GLYCTK: variants seen among roughly 807,000 people sequenced by gnomAD.
GLYCTK encodes the protein glycerate kinase, also known as HBeAg binding protein 4.
In GLYCTK, 22 loss-of-function variants were observed where a neutral mutation model predicts 24.8. The ratio of observed to expected loss-of-function variants is 0.89; its 90% CI spans 0.63 to 1.27. The LOEUF is 1.27. Among genes scored for constraint, GLYCTK ranks in the 50% most tolerant of loss-of-function variants. GLYCTK has a pLI of 0.00. For missense variants in GLYCTK, 684 were observed against 686.7 expected, an observed-to-expected ratio of 1.00 and a Z score of 0.04; for synonymous variants, 320 against 297.2, an observed-to-expected ratio of 1.08 and a Z score of -0.79.
Position 52,291,890 on chromosome 3 carries a change from G to T in GLYCTK, c.673G>T (p.Gly225Trp), listed in dbSNP as rs527816089. Residue 225 changes from glycine to tryptophan, a missense_variant, in exon 4 of 5, where the codon GGG becomes TGG. Gly to Trp is a radical substitution (Grantham distance 184, BLOSUM62 -2). Transcript: ENST00000436784. ...GAAGGCCCTGTCCCAGCTCAAGGGTGGGGGGCTGGCTCAGGCCGCCTACCC... is the reference window on the plus strand; with the variant it reads ...GAAGGCCCTGTCCCAGCTCAAGGGTTGGGGGCTGGCTCAGGCCGCCTACCC... ...IRKALSQLKG[G>W]GLAQAAYPAQ... 1.7e-5 allele frequency: 28 copies of T among 1,613,408 alleles called. No homozygotes were observed. Among genetic ancestry groups the T allele is most frequent in the Middle Eastern group, 1.7e-4 (1 of 6,044 alleles).
intron 3 of GLYCTK, 185 bp downstream of exon 3, chr3:52,291,296 G>A: frequency 1.5e-6 from 1 of 680,526 alleles, no homozygotes; most frequent in Non-Finnish European, 2.5e-6. Flanking sequence ...CCCCTGAGCT[G>A]TGGAGTCCTC....
In GLYCTK at chr3:52,292,992, A is replaced by T; in HGVS notation, c.1438A>T (p.Ile480Leu). The T allele has an allele frequency of 6.2e-7, 1 of 1,614,182 alleles. No individual in the cohort carries two copies. The highest frequency in any genetic ancestry group is 8.5e-7 in the Non-Finnish European group (1 of 1,180,020). Residue 480 changes from isoleucine to leucine, a missense_variant, in exon 5 of 5, where the codon ATA (isoleucine) becomes TTA (leucine). Transcript: ENST00000436784. ...CCAGGCTGCAGCTGAGGGCCTGGAC[A>T]TAGCCACCTTCCTAGCCCACAATGA... Reference protein sequence around the residue: ...ASQAAAEGLDIATFLAHNDSH... With the variant: ...ASQAAAEGLDLATFLAHNDSH...
At chr3:52,291,435 G>C in intron 3 of GLYCTK, 1 of 579,986 alleles carries the variant, frequency 1.7e-6, no homozygotes, top group African/African-American at 1.9e-5. Flanking sequence ...ATGTCACCTG[G>C]GGCTAGGCCC....
In GLYCTK at chr3:52,293,691, G is replaced by A. The variant is rs1195083212; in HGVS notation, c.*565G>A. 8 of 454,052 alleles carry A rather than the reference G, an allele frequency of 1.8e-5. 1 individual carries two copies. The highest frequency in any genetic ancestry group is 7.1e-5 in the Admixed American group (3 of 42,550). 28.1% of individuals were successfully genotyped at this position (454,052 alleles called of 1,614,324 possible). A position where few individuals can be genotyped will look rare whatever the true frequency, so the allele number is the denominator to read the frequency against. ...GCTTGGCTCCTGACAGCTTTGATGT[G>A]CGTGAGCAGAGACCCCAGGGAGGAC... On this transcript the variant is annotated 3_prime_UTR_variant, in exon 5 of 5. Coordinates refer to ENST00000436784, the MANE Select transcript of GLYCTK (RefSeq NM_145262.4).
At position 52,293,088 on chromosome 3, in the gene GLYCTK, G is replaced by A. The variant is rs770979346; in HGVS notation, c.1534G>A (p.Val512Ile). 5 of 1,614,032 alleles carry A rather than the reference G, an allele frequency of 3.1e-6. No individual in the cohort carries two copies. The highest frequency in any genetic ancestry group is 3.4e-6 in the Non-Finnish European group (4 of 1,180,038). The part of the protein sequence containing the change: ...LLHTGMTGTN[V>I]MDTHLLFLRP... ...GCACACAGGGATGACAGGTACCAAT[G>A]TCATGGACACCCACCTCTTGTTCCT... Residue 512 changes from valine (V) to isoleucine (I), a missense_variant, in exon 5 of 5, where the codon GTC (valine) becomes ATC (isoleucine). Transcript: ENST00000436784.
In GLYCTK at chr3:52,292,336, C is replaced by A; in HGVS notation, c.782C>A (p.Ser261Tyr). The A allele has an allele frequency of 1.9e-6, 3 of 1,614,010 alleles. No homozygotes were observed. The highest frequency in any genetic ancestry group is 2.5e-6 in the Non-Finnish European group (3 of 1,179,998). Residue 261 changes from serine (S) to tyrosine (Y), a missense_variant, in exon 5 of 5, where the codon TCC (serine) becomes TAC (tyrosine). Coordinates refer to ENST00000436784, the MANE Select transcript of GLYCTK (RefSeq NM_145262.4). ...GCCAGTGGCCCCACCGTGGCCAGTT[C>A]CCACAATGTGCAAGATTGCCTGCAT... ...VIASGPTVAS[S>Y]HNVQDCLHIL...
rs1344096760 is a variant in GLYCTK, at chr3:52,293,049, G to A, written c.1495G>A (p.Gly499Arg). The change falls in exon 5 of 5, where the codon GGG becomes AGG. Residue 499 changes from glycine to arginine, a missense_variant. Transcript: ENST00000436784. ...SHTFFCCLQG[G>R]AHLLHTGMTG... ...TACCTTCTTCTGCTGCCTCCAGGGT[G>A]GGGCACACCTGCTGCACACAGGGAT... The A allele has an allele frequency of 6.2e-6, 10 of 1,613,980 alleles. No individual in the cohort carries two copies. Among genetic ancestry groups the A allele is most frequent in the Non-Finnish European group, 8.5e-6 (10 of 1,180,036 alleles).
chr3:52,293,486 G>A lies in GLYCTK; in HGVS notation c.*360G>A, dbSNP rs905027237. ...GGACCATGCCATGGGTTCTCAGTGCGCCTTCCCTCAGAGTGAGGCCTCACG... is the reference window on the plus strand; with the variant it reads ...GGACCATGCCATGGGTTCTCAGTGCACCTTCCCTCAGAGTGAGGCCTCACG... On this transcript the variant is annotated 3_prime_UTR_variant, in exon 5 of 5. Coordinates refer to ENST00000436784, the MANE Select transcript of GLYCTK (RefSeq NM_145262.4). The A allele has an allele frequency of 4.5e-5, 22 of 491,798 alleles. 1 individual carries two copies. Among genetic ancestry groups the A allele is most frequent in the Admixed American group, 3.2e-4 (14 of 43,560 alleles). 30.5% of individuals were successfully genotyped at this position (491,798 alleles called of 1,614,324 possible).
intron 1 of GLYCTK, 47 bp from the exon 2 acceptor site, chr3:52,290,256 TC>T (rs1472929326): frequency 2.0e-6 from 3 of 1,498,784 alleles, no homozygotes; most frequent in Non-Finnish European, 2.7e-6. Context: ...GTGGGGGACC[TC>T]CTGTCTTTTG....
Position 52,294,118 on chromosome 3 carries a change from G to A in GLYCTK, c.*992G>A, listed in dbSNP as rs1161738794. The A allele has an allele frequency of 1.9e-6, 1 of 528,740 alleles. No individual in the cohort carries two copies. Among genetic ancestry groups the A allele is most frequent in the East Asian group, 5.5e-5 (1 of 18,316 alleles). The allele number at this position is 528,740 out of a possible 1,614,324, so 32.8% of individuals were successfully genotyped here. A position where few individuals can be genotyped will look rare whatever the true frequency, so the allele number is the denominator to read the frequency against. On this transcript the variant is annotated 3_prime_UTR_variant, in exon 5 of 5. Coordinates refer to ENST00000436784, the MANE Select transcript of GLYCTK (RefSeq NM_145262.4). ...AAGAGGCAAGTGGGAATAGAGGAAC[G>A]GCTGTGTTGGCCTGGCCAGCAGCCT...
Position 52,294,799 on chromosome 3 carries a change from G to T in GLYCTK, c.*1673G>T, listed in dbSNP as rs748199805. ...AGGCAAAAGCAGGATAGGAGAGCTG[G>T]GGCAGGGGCTGCAGGAGCTGAGGGC... On this transcript the variant is annotated 3_prime_UTR_variant, in exon 5 of 5. Coordinates refer to ENST00000436784, the MANE Select transcript of GLYCTK (RefSeq NM_145262.4). 1 of 453,954 alleles carries T rather than the reference G, an allele frequency of 2.2e-6. No individual in the cohort carries two copies. Among genetic ancestry groups the T allele is most frequent in the South Asian group, 1.6e-5 (1 of 64,478 alleles). The allele number at this position is 453,954 out of a possible 1,614,324, so 28.1% of individuals were successfully genotyped here.
In GLYCTK at chr3:52,292,416, C is replaced by T; in HGVS notation, c.862C>T (p.Leu288=). Residue 288 remains leucine, a synonymous_variant, in exon 5 of 5, where the codon CTG becomes TTG. Transcript: ENST00000436784. ...CCTGCCACGTTCTGTGAAGACTGTG[C>T]TGTCTCGGGCCGACTCTGACCCCCA... ...AALPRSVKTV[L]SRADSDPHGP... 1 of 1,613,638 alleles carries T rather than the reference C, an allele frequency of 6.2e-7. No individual in the cohort carries two copies. Among genetic ancestry groups the T allele is most frequent in the Non-Finnish European group, 8.5e-7 (1 of 1,179,968 alleles).
Position 52,295,007 on chromosome 3 carries a change from C to T in GLYCTK, c.*1881C>T, listed in dbSNP as rs778873585. The stretch of plus-strand genomic sequence containing the variant: ...TATGGATAGGATCTTGCAGGAGGTT[C>T]CCCCTGCTCTACATTGACCCCTTCC... On this transcript the variant is annotated 3_prime_UTR_variant, in exon 5 of 5. Transcript: ENST00000436784. 5.3e-4 allele frequency: 240 copies of T among 453,916 alleles called. 2 individuals are homozygous for T. The highest frequency in any genetic ancestry group is 6.8e-4 in the Middle Eastern group (1 of 1,466). 28.1% of individuals were successfully genotyped at this position (453,916 alleles called of 1,614,324 possible). A position where few individuals can be genotyped will look rare whatever the true frequency, so the allele number is the denominator to read the frequency against.
chr3:52,292,269 C>G lies in GLYCTK; in HGVS notation c.715C>G (p.Leu239Val). The G allele has an allele frequency of 6.2e-7, 1 of 1,613,960 alleles. No individual in the cohort carries two copies. The highest frequency in any genetic ancestry group is 8.5e-7 in the Non-Finnish European group (1 of 1,179,962). ...GGTGGCCCTTCCCCAGGTGGTGAGC[C>G]TCATCCTGTCAGATGTGGTGGGGGA... is the stretch of plus-strand genomic sequence containing the variant. Reference protein sequence around the residue: ...QAAYPAQVVSLILSDVVGDPV... With the variant: ...QAAYPAQVVSVILSDVVGDPV... The change falls in exon 5 of 5, where the codon CTC becomes GTC. Residue 239 changes from leucine to valine, a missense_variant. By Grantham distance (32) the Leu-to-Val change is conservative (BLOSUM62 1). Transcript: ENST00000436784.
intron 4 of GLYCTK, 85 bp downstream of exon 4, chr3:52,292,007 A>G (rs989581719): frequency 1.6e-4 from 217 of 1,377,982 alleles, no homozygotes; most frequent in Middle Eastern, 4.9e-4. Flanking sequence ...AGAACAGCAT[A>G]TAGATTGGCA....
intron 3 of GLYCTK, 60 bp downstream of exon 3, chr3:52,291,171 T>C: frequency 6.3e-7 from 1 of 1,584,480 alleles, no homozygotes; most frequent in Non-Finnish European, 8.6e-7. Context: ...ATCTCTCAGG[T>C]CTTCGAGAGA....
Position 52,287,831 on chromosome 3 carries a change from A to T in GLYCTK, c.-85A>T. ...GCTTCCGCTCCGCCCACCCCCTAGT[A>T]CTTCCGTTCTCCAGCGCTGGGCACC... On this transcript the variant is annotated 5_prime_UTR_variant, in exon 1 of 5. Coordinates refer to ENST00000436784, the MANE Select transcript of GLYCTK (RefSeq NM_145262.4). 2.2e-6 allele frequency: 1 copy of T among 452,958 alleles called. No individual in the cohort carries two copies. Among genetic ancestry groups the T allele is most frequent in the South Asian group, 1.6e-5 (1 of 64,426 alleles). The allele number at this position is 452,958 out of a possible 1,614,324, so 28.1% of individuals were successfully genotyped here.
intron 1 of GLYCTK, chr3:52,288,883 C>G (rs536899275): frequency 1.3e-5 from 2 of 152,174 alleles, no homozygotes; most frequent in African/African-American, 2.4e-5. Context: ...TCTGTGTTCC[C>G]TTTCACAACA....
chr3:52,293,300 C>T lies in GLYCTK; in HGVS notation c.*174C>T, dbSNP rs752410530. The T allele has an allele frequency of 3.6e-4, 265 of 744,856 alleles. 2 individuals carry two copies. The highest frequency in any genetic ancestry group is 2.9e-3 in the Middle Eastern group (13 of 4,492). 46.1% of individuals were successfully genotyped at this position (744,856 alleles called of 1,614,324 possible). On this transcript the variant is annotated 3_prime_UTR_variant, in exon 5 of 5. Transcript: ENST00000436784. ...AGGGCCTCTGCTCTATATCTATTCC[C>T]TTCCAGCCAGACTGGCAGATGGGGG...
Sources: allele counts gnomAD v4.1 joint callset, GRCh38; gene constraint gnomAD v4.1.1; transcripts MANE v1.5; gene names NCBI Gene and HGNC (gene_info 2026-07-23, HGNC 2026-07-21).